The following PTPRK variants were observed in gnomAD, a reference collection of about 807,000 sequenced individuals.
PTPRK encodes the protein protein tyrosine phosphatase receptor type K, also known as receptor-type tyrosine-protein phosphatase kappa.
PTPRK carries 75 observed loss-of-function variants against 178.0 expected under a neutral mutation model. The ratio of observed to expected loss-of-function variants is 0.42; its 90% CI spans 0.35 to 0.51. PTPRK has a LOEUF of 0.51. Ranked by LOEUF, PTPRK falls within the 20% of genes least tolerant of loss-of-function variation. The pLI, the probability that PTPRK is intolerant of heterozygous loss-of-function variation, is 0.02. For missense variants in PTPRK, 1,441 were observed against 1,797.8 expected, an observed-to-expected ratio of 0.80 and a Z score of 3.59; for synonymous variants, 637 against 620.6, an observed-to-expected ratio of 1.03 and a Z score of -0.39.
At chr6:128,026,629 T>A (rs186650809) in intron 13 of PTPRK, among the ~76,000 whole-genome samples, 1 of 152,328 alleles carries the variant, frequency 6.6e-6, no homozygotes, top group African/African-American at 2.4e-5. Context: ...GGTATTACTA[T>A]TAAGGATTAA....
At chr6:128,509,866 C>T (rs1856915209) in intron 1 of PTPRK, among the ~76,000 whole-genome samples, 1 of 152,000 alleles carries the variant, frequency 6.6e-6, no homozygotes, top group Non-Finnish European at 1.5e-5. Context: ...GCTGCCAGCC[C>T]CTTCACCTCA....
chr6:128,409,528 A>G (rs1842060446), intron 1 of PTPRK, among the ~76,000 whole-genome samples: 1 of 152,230 alleles, frequency 6.6e-6, no homozygotes, highest in Non-Finnish European at 1.5e-5. Flanking sequence ...ACATTATTTA[A>G]TTCAACATTT....
At chr6:128,478,259 A>C (rs1255517061) in intron 1 of PTPRK, among the ~76,000 whole-genome samples, 1 of 152,126 alleles carries the variant, frequency 6.6e-6, no homozygotes, top group African/African-American at 2.4e-5. Context: ...GTTTTCTGAT[A>C]GAATACCAGC....
chr6:128,219,084 C>T lies in PTPRK; in HGVS notation c.706G>A (p.Glu236Lys), dbSNP rs764260327. 2 of 1,612,506 alleles carry T rather than the reference C, an allele frequency of 1.2e-6. No homozygotes were observed. The highest frequency in any genetic ancestry group is 2.2e-5 in the South Asian group (2 of 90,778). ...TTAGTCTGGGCTACTGGTATATCTT[C>T]TCCATTTCGTCTCTGCAAACAGAAA... ...NKLWLQRRNG[E>K]DIPVAQTKNI... is the part of the protein sequence containing the mutation. The change falls in exon 6 of 30, where the codon GAA becomes AAA. Residue 236 changes from glutamate to lysine, a missense_variant. Glu to Lys is a moderately conservative substitution (Grantham distance 56, BLOSUM62 1). Around this residue, in one of 4 missense-constraint regions of PTPRK, gnomAD observed 945 missense variants for 1,080.6 expected, o/e 0.87. Coordinates refer to ENST00000368226, the MANE Select transcript of PTPRK (RefSeq NM_002844.4).
intron 13 of PTPRK, among the ~76,000 whole-genome samples, chr6:128,052,872 G>A (rs1179208980): frequency 6.6e-6 from 1 of 151,974 alleles, no homozygotes; most frequent in African/African-American, 2.4e-5. Context: ...CAAGTAATAG[G>A]CCTCTAGTTC....
At chr6:128,377,280 A>C (rs541983954) in intron 2 of PTPRK, among the ~76,000 whole-genome samples, 1 of 152,284 alleles carries the variant, frequency 6.6e-6, no homozygotes, top group Non-Finnish European at 1.5e-5. Flanking sequence ...TCATGGTGGA[A>C]GGCAAGGAGG....
At chr6:128,392,356 G>A (rs1839715678) in intron 2 of PTPRK, among the ~76,000 whole-genome samples, 1 of 152,114 alleles carries the variant, frequency 6.6e-6, no homozygotes, top group Non-Finnish European at 1.5e-5. Flanking sequence ...CTAGACTGAA[G>A]GTGGGATACA....
intron 2 of PTPRK, among the ~76,000 whole-genome samples, chr6:128,333,743 T>C (rs1830567600): frequency 6.6e-6 from 1 of 152,194 alleles, no homozygotes; most frequent in Non-Finnish European, 1.5e-5. Flanking sequence ...TCTTATCATC[T>C]GGGTGTTCAC....
At chr6:128,220,513 C>A (rs1427235543) in intron 5 of PTPRK, among the ~76,000 whole-genome samples, 3 of 152,006 alleles carry the variant, frequency 2.0e-5, no homozygotes, top group Non-Finnish European at 1.5e-5. Flanking sequence ...CTTCATAGGG[C>A]TATATATGGG....
In PTPRK at chr6:127,990,861, C is replaced by G. The variant is rs146586134; in HGVS notation, c.3004G>C (p.Asp1002His). The change falls in exon 21 of 30, where the codon GAT becomes CAT. Residue 1002 changes from aspartate (D) to histidine (H), a missense_variant. Asp to His is a moderately conservative substitution (Grantham distance 81). Around this residue, in one of 4 missense-constraint regions of PTPRK, gnomAD observed 945 missense variants for 1,080.6 expected, o/e 0.87. Coordinates refer to ENST00000368226, the MANE Select transcript of PTPRK (RefSeq NM_002844.4). ...AAGTCACCATAAACTTCAGTATCATCAGGCCAATATTTATAGCATTTAACC... is the reference window on the plus strand; with the variant it reads ...AAGTCACCATAAACTTCAGTATCATGAGGCCAATATTTATAGCATTTAACC... ...GRVKCYKYWP[D>H]DTEVYGDFKV... is the part of the protein sequence containing the mutation. The G allele has an allele frequency of 1.5e-5, 24 of 1,608,764 alleles. 1 individual carries two copies. The African/African-American group carries it at 2.8e-4, about 19-fold the overall frequency.
At chr6:128,375,477 A>G (rs1340334175) in intron 2 of PTPRK, among the ~76,000 whole-genome samples, 1 of 151,998 alleles carries the variant, frequency 6.6e-6, no homozygotes. Context: ...GACCTGCCCT[A>G]TGATTCAATC....
intron 1 of PTPRK, among the ~76,000 whole-genome samples, chr6:128,445,955 G>A (rs1341041729): frequency 1.3e-5 from 2 of 151,930 alleles, no homozygotes; most frequent in Non-Finnish European, 2.9e-5. Flanking sequence ...TCTTGTATAG[G>A]TTAAGACTGG....
Position 128,235,370 on chromosome 6 carries a change from G to A in PTPRK, c.693+4665C>T, listed in dbSNP as rs9402027. ...TATTTTTCCTGTAAGAAAATTATTT[G>A]ACACTTCTCAAGAATATAACCAAAT... On this transcript the variant is annotated intron_variant, in intron 5 of 29. Coordinates refer to ENST00000368226, the MANE Select transcript of PTPRK (RefSeq NM_002844.4). 5,175 of 169,520 alleles carry A rather than the reference G, an allele frequency of 0.031. 324 individuals carry two copies. In the East Asian group the frequency reaches 0.31, roughly 10 times the overall value. The allele number at this position is 169,520 out of a possible 1,614,324, so 10.5% of individuals were successfully genotyped here.
At chr6:127,972,497 G>A (rs549018336) in intron 29 of PTPRK, among the ~76,000 whole-genome samples, 10 of 152,288 alleles carry the variant, frequency 6.6e-5, no homozygotes, top group Non-Finnish European at 1.0e-4. Flanking sequence ...TACGAGCCTT[G>A]ACAAGCTCAA....
At chr6:128,158,898 A>G (rs1179625996) in intron 7 of PTPRK, among the ~76,000 whole-genome samples, 1 of 151,890 alleles carries the variant, frequency 6.6e-6, no homozygotes, top group African/African-American at 2.4e-5. Context: ...CTGTATGTAC[A>G]TGAAAATGTG....
intron 13 of PTPRK, among the ~76,000 whole-genome samples, chr6:128,059,790 C>T (rs531218327): frequency 4.5e-4 from 69 of 152,204 alleles, no homozygotes; most frequent in Middle Eastern, 3.4e-3. Context: ...TCTTCAGGTC[C>T]GTTCTATTTT....
chr6:128,438,290 T>C (rs75614589), intron 1 of PTPRK, among the ~76,000 whole-genome samples: 3,917 of 152,342 alleles, frequency 0.026, 166 homozygotes, highest in African/African-American at 0.088. Context: ...CACTTTTGAA[T>C]GGATGCCAAC....
rs1446404063 is a variant in PTPRK, at chr6:128,294,127, G to T, written c.495+27912C>A. 2.6e-5 allele frequency among the ~76,000 whole-genome samples: 4 copies of T among 152,024 alleles called. No homozygotes were observed. The East Asian group carries it at 7.7e-4, about 29-fold the overall frequency. ...TATGTTTGATACATTAGTAAACTAA[G>T]TACATTATTTAAATGTACACTGTAA... On this transcript the variant is annotated intron_variant, in intron 3 of 29. Coordinates refer to ENST00000368226, the MANE Select transcript of PTPRK (RefSeq NM_002844.4).
intron 3 of PTPRK, among the ~76,000 whole-genome samples, chr6:128,279,285 A>C (rs1490781915): frequency 6.6e-6 from 1 of 152,054 alleles, no homozygotes; most frequent in Non-Finnish European, 1.5e-5. Context: ...TTACAGCTTG[A>C]TTCTAATTAA....
Sources: allele counts gnomAD v4.1 joint callset (sites outside exome capture counted in the v4.1 genomes callset), GRCh38; gene constraint gnomAD v4.1.1; regional missense constraint gnomAD v4.1.1; transcripts MANE v1.5; gene names NCBI Gene and HGNC (gene_info 2026-07-23, HGNC 2026-07-21).